The following ACTR3C variants were observed in gnomAD, a reference collection of about 807,000 sequenced individuals.
The protein encoded by ACTR3C is actin related protein 3C, also known as actin-related protein 3C.
In ACTR3C, 18 loss-of-function variants were observed where a neutral mutation model predicts 26.3. That is an observed-to-expected ratio of 0.68 (90% CI 0.47 to 1.01). ACTR3C has a LOEUF of 1.01. ACTR3C is among the 50% of genes least tolerant of loss of function. The probability of loss-of-function intolerance (pLI) is 0.00; values close to 1 mark genes in which losing one functional copy is unlikely to be tolerated. For synonymous variants in ACTR3C, 55 were observed against 94.5 expected (o/e 0.58, Z 2.42); for missense variants, 184 against 250.7 (o/e 0.73, Z 1.80).
chr7:150,295,207 A>G, intron 2 of ACTR3C, 45 bp downstream of exon 2: 1 of 1,605,176 alleles, frequency 6.2e-7, no homozygotes, highest in Non-Finnish European at 8.5e-7. Flanking sequence ...TTCCGCTACT[A>G]GACAGCTCAG....
rs1279935640 is a variant in ACTR3C at position 150,276,049 on chromosome 7, A to T, written c.564+8704T>A. On this transcript the variant is annotated intron_variant, in intron 6 of 7. Transcript: ENST00000683684. ...CAAATAAAAATCTCCATTTTAAACC[A>T]CCTCTGCAGATGGAAAGGCCCTGTC... is the stretch of plus-strand genomic sequence containing the variant. Among the ~76,000 whole-genome samples, 3 of 151,982 alleles carry T rather than the reference A, an allele frequency of 2.0e-5. No individual in the cohort carries two copies. The East Asian group carries it at 5.8e-4, about 29-fold the overall frequency.
intron 6 of ACTR3C, among the ~76,000 whole-genome samples, chr7:150,273,686 T>C (rs1272385788): frequency 6.6e-6 from 1 of 151,436 alleles, no homozygotes; most frequent in African/African-American, 2.4e-5. Context: ...ATAGAGTTGG[T>C]CTTCAAATCT....
the ACTR3C span, among the ~76,000 whole-genome samples, chr7:150,147,035 C>T: frequency 6.6e-6 from 1 of 152,160 alleles, no homozygotes; most frequent in African/African-American, 2.4e-5. Context: ...TACCTTCCAA[C>T]AGAAAACCTA....
downstream of ACTR3C, chr7:150,246,643 C>T (rs2129608800): frequency 6.6e-6 from 1 of 152,242 alleles, no homozygotes; most frequent in Admixed American, 6.5e-5. Context: ...GAGTAGAACA[C>T]CAACGATTAT....
At chr7:150,245,248 T>C (rs1832402874), downstream of ACTR3C, 1 of 152,264 alleles carries the variant, frequency 6.6e-6, no homozygotes, top group African/African-American at 2.4e-5. Context: ...ACCTAGTTAC[T>C]GGTGGATACA....
the ACTR3C span, among the ~76,000 whole-genome samples, chr7:150,017,602 G>A: frequency 6.7e-6 from 1 of 149,998 alleles, no homozygotes; most frequent in African/African-American, 2.5e-5. Flanking sequence ...GATTGTCAGA[G>A]CAGTCTTCCA....
chr7:150,222,281 T>C, the ACTR3C span, among the ~76,000 whole-genome samples: 2 of 152,242 alleles, frequency 1.3e-5, no homozygotes, highest in Non-Finnish European at 2.9e-5. Context: ...CTGGTTGGAA[T>C]CTTGGCTTTG....
the ACTR3C span, among the ~76,000 whole-genome samples, chr7:149,926,403 T>C: frequency 6.6e-6 from 1 of 152,274 alleles, no homozygotes; most frequent in East Asian, 1.9e-4. Flanking sequence ...CTAAAAGTAG[T>C]TCACTGCTCC....
chr7:150,279,267 T>C (rs190761598), intron 6 of ACTR3C, among the ~76,000 whole-genome samples: 21 of 152,248 alleles, frequency 1.4e-4, no homozygotes, highest in Admixed American at 3.3e-4. Context: ...ATCACACCAC[T>C]GCACTTCAGC....
chr7:150,116,137 G>C, the ACTR3C span, among the ~76,000 whole-genome samples: 1 of 152,224 alleles, frequency 6.6e-6, no homozygotes, highest in South Asian at 2.1e-4. Context: ...AACAAGTGGG[G>C]ATATTTCAAA....
chr7:149,962,273 C>T, the ACTR3C span, among the ~76,000 whole-genome samples: 50 of 152,018 alleles, frequency 3.3e-4, no homozygotes, highest in Admixed American at 8.5e-4. Flanking sequence ...AGGAAGTGTA[C>T]GCTCAAAGGA....
At chr7:150,319,856 A>G in intron 1 of ACTR3C, among the ~76,000 whole-genome samples, 1 of 152,194 alleles carries the variant, frequency 6.6e-6, no homozygotes, top group Non-Finnish European at 1.5e-5. Context: ...TAGGGGCAGG[A>G]GCCAGTCCTA....
chr7:149,946,374 G>T, the ACTR3C span, among the ~76,000 whole-genome samples: 482 of 152,324 alleles, frequency 3.2e-3, 5 homozygotes, highest in African/African-American at 0.011. Context: ...GTGCCCTCGG[G>T]CCTTTCTTTC....
chr7:149,992,657 G>T, the ACTR3C span, among the ~76,000 whole-genome samples: 2 of 152,226 alleles, frequency 1.3e-5, no homozygotes, highest in Non-Finnish European at 2.9e-5. Context: ...GTTCCGTGAG[G>T]CCCCGTAGAA....
chr7:149,946,469 C>G, the ACTR3C span, among the ~76,000 whole-genome samples: 1 of 152,218 alleles, frequency 6.6e-6, no homozygotes, highest in Non-Finnish European at 1.5e-5. Flanking sequence ...AAAGCCACGT[C>G]TCCACGGAGC....
the ACTR3C span, among the ~76,000 whole-genome samples, chr7:149,883,475 G>A: frequency 1.0e-3 from 159 of 152,326 alleles, 1 homozygote; most frequent in Non-Finnish European, 2.0e-3. Flanking sequence ...CATACCAAGT[G>A]GCAGAGCAGG....
chr7:150,014,910 C>T, the ACTR3C span, among the ~76,000 whole-genome samples: 1 of 152,170 alleles, frequency 6.6e-6, no homozygotes, highest in African/African-American at 2.4e-5. Context: ...CCTCTCCATC[C>T]TCTCCATAAG....
chr7:149,927,945 AAAG>A, the ACTR3C span, among the ~76,000 whole-genome samples: 2 of 152,172 alleles, frequency 1.3e-5, no homozygotes, highest in Non-Finnish European at 2.9e-5. Context: ...AACACAAAAC[AAAG>A]ACATTAAGAT....
At chr7:150,253,918 TTTTC>T (rs1563148644) in intron 6 of ACTR3C, among the ~76,000 whole-genome samples, 1 of 150,348 alleles carries the variant, frequency 6.7e-6, no homozygotes, top group African/African-American at 2.5e-5. Flanking sequence ...GTGTTTTTTT[TTTTC>T]CCCCAGCATT....
Sources: allele counts gnomAD v4.1 joint callset (sites outside exome capture counted in the v4.1 genomes callset), GRCh38; gene constraint gnomAD v4.1.1; transcripts MANE v1.5; gene names NCBI Gene and HGNC (gene_info 2026-07-23, HGNC 2026-07-21).